KCNH1: variants seen among roughly 807,000 people sequenced by gnomAD.
The protein encoded by KCNH1 is voltage-gated delayed rectifier potassium channel KCNH1.
KCNH1 carries 27 observed loss-of-function variants against 69.2 expected under a neutral mutation model. The ratio of observed to expected loss-of-function variants is 0.39; its 90% CI spans 0.29 to 0.54. The LOEUF (loss-of-function observed/expected upper bound fraction) is 0.54, where lower values mean the gene tolerates loss of function less well. KCNH1 is among the 20% of genes least tolerant of loss of function. The pLI is 0.68. For synonymous variants in KCNH1, 456 were observed against 487.7 expected, an observed-to-expected ratio of 0.93 and a Z score of 0.86; for missense variants, 798 against 1,261.6, an observed-to-expected ratio of 0.63 and a Z score of 5.57.
intron 7 of KCNH1, among the ~76,000 whole-genome samples, chr1:210,818,692 A>G (rs1684867623): frequency 6.6e-6 from 1 of 152,204 alleles, no homozygotes; most frequent in African/African-American, 2.4e-5. Flanking sequence ...TAATTCTTCC[A>G]AAAGCTTCCC....
At chr1:210,771,883 GA>G (rs1358206327) in intron 10 of KCNH1, among the ~76,000 whole-genome samples, 1 of 152,202 alleles carries the variant, frequency 6.6e-6, no homozygotes, top group African/African-American at 2.4e-5. Context: ...CAAAATGCTG[GA>G]TTTGCCTCCA....
At chr1:210,757,252 T>C (rs1683418369) in intron 10 of KCNH1, among the ~76,000 whole-genome samples, 1 of 152,192 alleles carries the variant, frequency 6.6e-6, no homozygotes, top group African/African-American at 2.4e-5. Flanking sequence ...CTGGGCCCTA[T>C]GGAGCCACCA....
intron 10 of KCNH1, among the ~76,000 whole-genome samples, chr1:210,764,709 A>T (rs1336304702): frequency 1.3e-5 from 2 of 152,208 alleles, no homozygotes; most frequent in Non-Finnish European, 2.9e-5. Flanking sequence ...AAGTCACAAA[A>T]TAACAGATGG....
intron 5 of KCNH1, among the ~76,000 whole-genome samples, chr1:211,027,761 T>C (rs1008874599): frequency 6.6e-6 from 1 of 151,154 alleles, no homozygotes; most frequent in Non-Finnish European, 1.5e-5. Context: ...AAAGCATCAC[T>C]CCACCAAGAA....
At chr1:211,044,638 G>A (rs1300413144) in intron 5 of KCNH1, among the ~76,000 whole-genome samples, 1 of 152,016 alleles carries the variant, frequency 6.6e-6, no homozygotes, top group African/African-American at 2.4e-5. Flanking sequence ...ATATTCAAAT[G>A]GCCAACAAAC....
chr1:210,952,302 CAT>C (rs911174960), intron 6 of KCNH1, among the ~76,000 whole-genome samples: 1 of 152,138 alleles, frequency 6.6e-6, no homozygotes, highest in Non-Finnish European at 1.5e-5. Context: ...AAATATACAC[CAT>C]ATCTTTCCTT....
At position 211,096,121 on chromosome 1, in the gene KCNH1, T is replaced by A. The variant is rs1049501409; in HGVS notation, c.311-5431A>T. Among the ~76,000 whole-genome samples, 3 of 152,150 alleles carry A rather than the reference T, an allele frequency of 2.0e-5. No homozygotes were observed. In the East Asian group the frequency reaches 5.8e-4, roughly 29 times the overall value. The stretch of plus-strand genomic sequence containing the variant: ...CTCTATTGCCTAGGCTGGGGTGCAG[T>A]GGCGCAATCTCAGCTCACTGCAACT... On this transcript the variant is annotated intron_variant, in intron 3 of 10. Transcript: ENST00000271751.
chr1:210,713,746 C>T lies in KCNH1; in HGVS notation c.2113-29608G>A, dbSNP rs189376525. ...CAGCCCAATTCAAATGCCACCTCCT[C>T]CTGGAAGCCGTTCCATATATTTCCA... On this transcript the variant is annotated intron_variant, in intron 10 of 10. Transcript: ENST00000271751. Among the ~76,000 whole-genome samples, 131 of 152,298 alleles carry T rather than the reference C, an allele frequency of 8.6e-4. No homozygotes were observed. In the South Asian group the frequency reaches 9.7e-3, roughly 11 times the overall value.
intron 10 of KCNH1, among the ~76,000 whole-genome samples, chr1:210,705,209 G>GAAAT (rs1675006789): frequency 6.6e-6 from 1 of 152,210 alleles, no homozygotes; most frequent in South Asian, 2.1e-4. Context: ...AGAAGTATCT[G>GAAAT]AAATAGGCAA....
At chr1:210,794,266 A>G (rs6694502) in intron 9 of KCNH1, among the ~76,000 whole-genome samples, 38,847 of 152,128 alleles carry the variant, frequency 0.26, 6,257 homozygotes, top group African/African-American at 0.46. Context: ...TAAGAGCCCC[A>G]TGAAATCTGA....
At chr1:210,714,109 G>C (rs113900118) in intron 10 of KCNH1, among the ~76,000 whole-genome samples, 1,729 of 152,316 alleles carry the variant, frequency 0.011, 14 homozygotes, top group South Asian at 0.036. Flanking sequence ...CCTATCTAGA[G>C]AGTATGGAGA....
intron 10 of KCNH1, among the ~76,000 whole-genome samples, chr1:210,735,226 G>T (rs1484027881): frequency 1.3e-5 from 2 of 152,104 alleles, no homozygotes; most frequent in Non-Finnish European, 2.9e-5. Context: ...GTGAAGACTT[G>T]TGAGCCCCCC....
chr1:210,740,385 T>C (rs931026987), intron 10 of KCNH1, among the ~76,000 whole-genome samples: 13 of 152,194 alleles, frequency 8.5e-5, no homozygotes, highest in South Asian at 4.1e-4. Context: ...ATGGTGACTA[T>C]ATTTAGACCC....
intron 6 of KCNH1, among the ~76,000 whole-genome samples, chr1:210,997,155 G>A (rs546295355): frequency 6.6e-6 from 1 of 152,334 alleles, no homozygotes; most frequent in East Asian, 1.9e-4. Context: ...GAACAAAGCT[G>A]GACGGAGAAT....
chr1:210,794,272 T>G (rs1684263772), intron 9 of KCNH1, among the ~76,000 whole-genome samples: 1 of 152,176 alleles, frequency 6.6e-6, no homozygotes, highest in Non-Finnish European at 1.5e-5. Context: ...CCCCATGAAA[T>G]CTGATAAGTT....
chr1:210,921,878 C>T (rs1202562533), intron 6 of KCNH1, among the ~76,000 whole-genome samples: 1 of 152,132 alleles, frequency 6.6e-6, no homozygotes, highest in African/African-American at 2.4e-5. Context: ...AGAAAGAAAC[C>T]TCTGAAATAA....
intron 7 of KCNH1, among the ~76,000 whole-genome samples, chr1:210,818,481 T>C (rs1250321663): frequency 1.3e-5 from 2 of 152,164 alleles, no homozygotes; most frequent in East Asian, 3.9e-4. Flanking sequence ...GCTACTTACT[T>C]GCTGTGTGAC....
At chr1:210,904,619 G>A (rs890791207) in intron 7 of KCNH1, among the ~76,000 whole-genome samples, 3 of 152,120 alleles carry the variant, frequency 2.0e-5, no homozygotes, top group African/African-American at 7.2e-5. Flanking sequence ...TTTGGAAGCG[G>A]GACTGGGGTT....
chr1:210,724,244 A>G (rs1449837029), intron 10 of KCNH1, among the ~76,000 whole-genome samples: 1 of 152,176 alleles, frequency 6.6e-6, no homozygotes, highest in Non-Finnish European at 1.5e-5. Context: ...ATCCCAAACT[A>G]CAGTGCCCAA....
Sources: allele counts gnomAD v4.1 joint callset (sites outside exome capture counted in the v4.1 genomes callset), GRCh38; gene constraint gnomAD v4.1.1; transcripts MANE v1.5; gene names NCBI Gene and HGNC (gene_info 2026-07-23, HGNC 2026-07-21).